The following RANBP2 variants were observed in gnomAD, a reference collection of about 807,000 sequenced individuals.
RANBP2 encodes the protein E3 SUMO-protein ligase RanBP2.
RANBP2 carries 57 observed loss-of-function variants against 303.6 expected under a neutral mutation model. The observed-to-expected ratio is 0.19, with a 90% CI of 0.15 to 0.23. The LOEUF (loss-of-function observed/expected upper bound fraction) is 0.23. Among genes scored for constraint, RANBP2 ranks in the 10% least tolerant of loss-of-function variants. The probability of loss-of-function intolerance (pLI) is 1.00; values close to 1 mark genes in which losing one functional copy is unlikely to be tolerated. For synonymous variants in RANBP2, 1,167 were observed against 1,301.5 expected, an observed-to-expected ratio of 0.90 and a Z score of 2.23; for missense variants, 3,138 against 3,780.8, an observed-to-expected ratio of 0.83 and a Z score of 4.46.
At chr2:109,165,885 G>A in the RANBP2 span, among the ~76,000 whole-genome samples, 3 of 152,248 alleles carry the variant, frequency 2.0e-5, no homozygotes, top group African/African-American at 7.2e-5. Flanking sequence ...CTGGATGCCT[G>A]TGCAAGAAGA....
At chr2:108,723,834 T>C (rs982280955) in intron 1 of RANBP2, among the ~76,000 whole-genome samples, 3 of 152,206 alleles carry the variant, frequency 2.0e-5, no homozygotes, top group Admixed American at 1.3e-4. Flanking sequence ...AACTCAGCAA[T>C]TTACACCCTC....
chr2:109,110,689 G>C, the RANBP2 span, among the ~76,000 whole-genome samples: 2 of 152,226 alleles, frequency 1.3e-5, no homozygotes, highest in Non-Finnish European at 2.9e-5. Context: ...CTGGGACAGA[G>C]GCGGCAGGCC....
chr2:109,553,237 T>C, the RANBP2 span: 2 of 1,612,490 alleles, frequency 1.2e-6, no homozygotes, highest in South Asian at 2.2e-5. Flanking sequence ...GTTATTTGTG[T>C]TACTCTCCTG....
the RANBP2 span, among the ~76,000 whole-genome samples, chr2:109,524,286 A>T: frequency 2.0e-5 from 3 of 152,178 alleles, no homozygotes; most frequent in African/African-American, 7.2e-5. Context: ...CACTGTAAGG[A>T]CGGCTCAGTG....
chr2:109,155,951 G>T, the RANBP2 span, among the ~76,000 whole-genome samples: 2 of 152,184 alleles, frequency 1.3e-5, no homozygotes, highest in African/African-American at 4.8e-5. Context: ...GGCAACTCAG[G>T]ATCATTCTGC....
chr2:109,632,783 C>T, the RANBP2 span, among the ~76,000 whole-genome samples: 1 of 151,672 alleles, frequency 6.6e-6, no homozygotes, highest in Non-Finnish European at 1.5e-5. Context: ...CACGCCACTG[C>T]ACTCCAGCCT....
the RANBP2 span, among the ~76,000 whole-genome samples, chr2:109,430,531 C>T: frequency 6.6e-6 from 1 of 152,026 alleles, no homozygotes; most frequent in Non-Finnish European, 1.5e-5. Context: ...CCTCCCTCCT[C>T]CTCCCTCCAT....
the RANBP2 span, among the ~76,000 whole-genome samples, chr2:109,190,626 C>T: frequency 6.6e-5 from 10 of 152,192 alleles, no homozygotes; most frequent in South Asian, 1.0e-3. Flanking sequence ...TATATTGCAG[C>T]GACTTGGTGA....
the RANBP2 span, among the ~76,000 whole-genome samples, chr2:109,031,349 CAGA>C: frequency 6.6e-6 from 1 of 152,100 alleles, no homozygotes; most frequent in East Asian, 1.9e-4. Flanking sequence ...GAACGCTCTG[CAGA>C]AGGAGCGGAA....
At chr2:109,022,291 G>A in the RANBP2 span, among the ~76,000 whole-genome samples, 2 of 152,236 alleles carry the variant, frequency 1.3e-5, no homozygotes, top group Admixed American at 1.3e-4. Context: ...TGGTTCCCCC[G>A]CCCCACTCAC....
chr2:109,364,159 GTT>G, the RANBP2 span, among the ~76,000 whole-genome samples: 1 of 141,860 alleles, frequency 7.0e-6, no homozygotes, highest in African/African-American at 2.6e-5. Flanking sequence ...CTCCATTATG[GTT>G]TTTTTTTTTT....
downstream of RANBP2, among the ~76,000 whole-genome samples, chr2:108,789,518 C>T (rs562316574): frequency 2.7e-4 from 41 of 152,254 alleles, no homozygotes; most frequent in Non-Finnish European, 4.1e-4. Flanking sequence ...CACTTGAACC[C>T]GGGAGGTGGA....
At chr2:109,280,056 TC>T in the RANBP2 span, among the ~76,000 whole-genome samples, 1 of 152,102 alleles carries the variant, frequency 6.6e-6, no homozygotes, top group Non-Finnish European at 1.5e-5. Context: ...CCAGCCAGGC[TC>T]CCCTCCTATT....
At chr2:108,750,829 C>T (rs1675825439) in intron 9 of RANBP2, among the ~76,000 whole-genome samples, 2 of 152,168 alleles carry the variant, frequency 1.3e-5, no homozygotes, top group African/African-American at 4.8e-5. Flanking sequence ...CTGCGCAGAA[C>T]CTTTTCAATA....
the RANBP2 span, among the ~76,000 whole-genome samples, chr2:109,696,638 A>G: frequency 6.6e-6 from 1 of 152,090 alleles, no homozygotes; most frequent in Non-Finnish European, 1.5e-5. Context: ...GGTATTTTAC[A>G]TTTTCATGCA....
the RANBP2 span, among the ~76,000 whole-genome samples, chr2:109,642,782 T>G: frequency 6.6e-6 from 1 of 152,228 alleles, no homozygotes; most frequent in Admixed American, 6.5e-5. Flanking sequence ...GAGATGAGAC[T>G]TAGGCTAAAT....
chr2:109,601,765 TAAA>T, the RANBP2 span, among the ~76,000 whole-genome samples: 2 of 143,768 alleles, frequency 1.4e-5, no homozygotes, highest in Admixed American at 1.4e-4. Flanking sequence ...ACCCTGAAGT[TAAA>T]AAAAAAAAAA....
the RANBP2 span, among the ~76,000 whole-genome samples, chr2:109,656,727 A>G: frequency 6.6e-6 from 1 of 152,258 alleles, no homozygotes; most frequent in African/African-American, 2.4e-5. Flanking sequence ...CATGATAGCA[A>G]TTATAAAATT....
the RANBP2 span, among the ~76,000 whole-genome samples, chr2:109,069,476 G>A: frequency 7.2e-5 from 11 of 152,242 alleles, no homozygotes; most frequent in Non-Finnish European, 8.8e-5. Flanking sequence ...AAGCTCCAGG[G>A]AGTGCCTTCC....
Sources: allele counts gnomAD v4.1 joint callset (sites outside exome capture counted in the v4.1 genomes callset), GRCh38; gene constraint gnomAD v4.1.1; transcripts MANE v1.5; gene names NCBI Gene and HGNC (gene_info 2026-07-23, HGNC 2026-07-21).